The following DIAPH2 variants were observed in gnomAD, a reference collection of about 807,000 sequenced individuals.
DIAPH2 encodes the protein diaphanous related formin 2, also known as protein diaphanous homolog 2.
Under a neutral mutation model 92.7 loss-of-function variants are expected in DIAPH2, and 35 were observed. The observed-to-expected ratio is 0.38, with a 90% CI of 0.29 to 0.50. The LOEUF (loss-of-function observed/expected upper bound fraction) is 0.50, where lower values mean the gene tolerates loss of function less well. Among genes scored for constraint, DIAPH2 ranks in the 20% least tolerant of loss-of-function variants. The pLI is 0.94. For missense variants in DIAPH2, 701 were observed against 819.5 expected, an observed-to-expected ratio of 0.86 and a Z score of 1.77; for synonymous variants, 301 against 280.4, an observed-to-expected ratio of 1.07 and a Z score of -0.73.
chrX:96,981,557 TTG>T (rs2147840660), intron 17 of DIAPH2, among the ~76,000 whole-genome samples: 1 of 112,165 alleles, frequency 8.9e-6, no homozygotes, highest in South Asian at 3.7e-4. Context: ...GCCAGGTACT[TTG>T]TGAAGTTTTG....
chrX:97,433,040 G>A (rs945720566), intron 26 of DIAPH2, among the ~76,000 whole-genome samples: 1 of 110,806 alleles, frequency 9.0e-6, no homozygotes, highest in Admixed American at 9.7e-5. Context: ...ATTATAAATC[G>A]CCCACTCTGA....
At chrX:97,067,258 A>G (rs1271269705) in intron 17 of DIAPH2, among the ~76,000 whole-genome samples, 1 of 112,262 alleles carries the variant, frequency 8.9e-6, no homozygotes, top group East Asian at 2.8e-4. Context: ...AGCATTTTTA[A>G]TTATTCTTTT....
intron 4 of DIAPH2, among the ~76,000 whole-genome samples, chrX:96,820,681 T>C (rs1192298508): frequency 8.9e-6 from 1 of 111,885 alleles, no homozygotes; most frequent in East Asian, 2.8e-4. Flanking sequence ...TATGACAGTG[T>C]TCTGAATGCT....
intron 4 of DIAPH2, among the ~76,000 whole-genome samples, chrX:96,854,540 T>A (rs1337746756): frequency 1.0e-5 from 1 of 97,249 alleles, no homozygotes; most frequent in African/African-American, 3.7e-5. Flanking sequence ...ATACTCTCTC[T>A]CTCTTTCTCT....
chrX:97,592,375 G>C (rs1278723511), intron 26 of DIAPH2, among the ~76,000 whole-genome samples: 1 of 111,667 alleles, frequency 9.0e-6, no homozygotes, highest in Non-Finnish European at 1.9e-5. Flanking sequence ...ATAGAAAAGT[G>C]ATTTAATCTC....
chrX:97,589,186 G>A (rs1264964428), intron 26 of DIAPH2, among the ~76,000 whole-genome samples: 3 of 98,942 alleles, frequency 3.0e-5, no homozygotes, highest in African/African-American at 7.2e-5. Flanking sequence ...GCATGATGAC[G>A]GGTGCCTGTA....
chrX:96,739,064 T>C (rs1009710213), intron 3 of DIAPH2, among the ~76,000 whole-genome samples: 1 of 111,639 alleles, frequency 9.0e-6, no homozygotes, highest in African/African-American at 3.3e-5. Flanking sequence ...GTTAACTGAT[T>C]TGTGTGTCTG....
chrX:96,915,683 C>T lies in DIAPH2; in HGVS notation c.733-755C>T, dbSNP rs186941601. Among the ~76,000 whole-genome samples the T allele has an allele frequency of 6.1e-4, 68 of 111,655 alleles. No homozygotes were observed. In the East Asian group the frequency reaches 6.4e-3, roughly 11 times the overall value. ...GAAATCTGAAAAATACTTTGTGGGA[C>T]AAAGATAAAATAATATATTGCTTTC... On this transcript the variant is annotated intron_variant, in intron 7 of 26. Transcript: ENST00000324765.
chrX:97,330,186 A>G (rs951613584), intron 23 of DIAPH2, among the ~76,000 whole-genome samples: 1 of 107,919 alleles, frequency 9.3e-6, no homozygotes, highest in African/African-American at 3.4e-5. Flanking sequence ...TTGTGGTAAA[A>G]ACACATAATG....
At chrX:96,888,060 C>T (rs1417607334) in intron 5 of DIAPH2, among the ~76,000 whole-genome samples, 95 of 107,835 alleles carry the variant, frequency 8.8e-4, no homozygotes, top group African/African-American at 3.0e-3. Flanking sequence ...CTCTGTTTCT[C>T]TCTCTCTTTT....
At chrX:96,884,746 C>A in intron 5 of DIAPH2, 1 of 1,210,147 alleles carries the variant, frequency 8.3e-7, no homozygotes, top group Non-Finnish European at 1.1e-6. Context: ...ATTGAAAATT[C>A]ATGTCCTAGA....
intron 3 of DIAPH2, among the ~76,000 whole-genome samples, chrX:96,745,861 G>T (rs1308645195): frequency 1.8e-5 from 2 of 111,777 alleles, no homozygotes; most frequent in Non-Finnish European, 3.8e-5. Flanking sequence ...CTAAGTAATG[G>T]TATCAATGGC....
intron 4 of DIAPH2, among the ~76,000 whole-genome samples, chrX:96,875,957 A>C (rs898915845): frequency 8.1e-5 from 9 of 111,498 alleles, no homozygotes; most frequent in South Asian, 3.8e-4. Flanking sequence ...AAAAGAAACT[A>C]CCATCAGAGT....
intron 25 of DIAPH2, among the ~76,000 whole-genome samples, chrX:97,402,126 A>C (rs1248980500): frequency 9.0e-6 from 1 of 111,576 alleles, no homozygotes; most frequent in Non-Finnish European, 1.9e-5. Context: ...GCTTTGGTTG[A>C]TGTATAATAT....
intron 26 of DIAPH2, among the ~76,000 whole-genome samples, chrX:97,463,528 C>A (rs2070479572): frequency 9.1e-6 from 1 of 109,730 alleles, no homozygotes; most frequent in Admixed American, 9.8e-5. Flanking sequence ...GTAGCTGGGA[C>A]TATAGGCACA....
Position 97,603,244 on chromosome X carries a change from C to G in DIAPH2, c.*3927C>G, listed in dbSNP as rs1187358810. 5 of 107,916 alleles carry G rather than the reference C, an allele frequency of 4.6e-5. No homozygotes were observed. The highest frequency in any genetic ancestry group is 6.8e-5 in the African/African-American group (2 of 29,433). 8.9% of individuals were successfully genotyped at this position (107,916 alleles called of 1,213,427 possible). ...TTTTGTCCACTTATATAGTTATTTT[C>G]TCTTTAAAAAAAAATTTTTTTTAAT... On this transcript the variant is annotated 3_prime_UTR_variant, in exon 27 of 27. Coordinates refer to ENST00000324765, the MANE Select transcript of DIAPH2 (RefSeq NM_006729.5).
Position 97,400,953 on chromosome X carries a change from A to G in DIAPH2, c.3145+16909A>G, listed in dbSNP as rs1416660177. On this transcript the variant is annotated intron_variant, in intron 25 of 26. Transcript: ENST00000324765. The stretch of plus-strand genomic sequence containing the variant: ...CACTGTGTTGCTCAGGCTGGCCACG[A>G]ACTCCTGGGCTCAAGTGATCCTCCT... Among the ~76,000 whole-genome samples the G allele has an allele frequency of 7.5e-5, 8 of 106,470 alleles. No individual in the cohort carries two copies. The Admixed American group carries it at 8.1e-4, about 11-fold the overall frequency. 92.5% of individuals were successfully genotyped at this position (106,470 alleles called of 115,157 possible).
At chrX:96,957,519 G>A (rs2065818782) in intron 15 of DIAPH2, among the ~76,000 whole-genome samples, 2 of 111,271 alleles carry the variant, frequency 1.8e-5, no homozygotes, top group African/African-American at 6.5e-5. Context: ...GCTTGCTCAT[G>A]ATCACGATTT....
At chrX:97,176,958 T>C (rs2067497687) in intron 22 of DIAPH2, among the ~76,000 whole-genome samples, 1 of 112,264 alleles carries the variant, frequency 8.9e-6, no homozygotes, top group Non-Finnish European at 1.9e-5. Context: ...TCTAAACCAC[T>C]TATAATACCT....
Sources: allele counts gnomAD v4.1 joint callset (sites outside exome capture counted in the v4.1 genomes callset), GRCh38; gene constraint gnomAD v4.1.1; transcripts MANE v1.5; gene names NCBI Gene and HGNC (gene_info 2026-07-23, HGNC 2026-07-21).